The following L3MBTL4 variants were observed in gnomAD, a reference collection of about 807,000 sequenced individuals.
L3MBTL4 encodes L3MBTL histone methyl-lysine binding protein 4.
A neutral mutation model predicts 84.5 loss-of-function variants in L3MBTL4; 70 were observed. The observed-to-expected ratio is 0.83, with a 90% CI of 0.68 to 1.01. L3MBTL4 has a LOEUF of 1.01. Ranked by LOEUF, L3MBTL4 falls within the 50% of genes least tolerant of loss-of-function variation. L3MBTL4 has a pLI of 0.00. For synonymous variants in L3MBTL4, 274 were observed against 259.8 expected (o/e 1.05, Z -0.52); for missense variants, 715 against 754.8 (o/e 0.95, Z 0.62).
chr18:6,241,834 G>T (rs1044436548), intron 7 of L3MBTL4, among the ~76,000 whole-genome samples: 1 of 152,118 alleles, frequency 6.6e-6, no homozygotes, highest in Admixed American at 6.5e-5. Flanking sequence ...TGGGCAAAGG[G>T]ATGAGACCAG....
intron 16 of L3MBTL4, among the ~76,000 whole-genome samples, chr18:5,985,686 G>A (rs1185172092): frequency 6.6e-6 from 1 of 152,138 alleles, no homozygotes; most frequent in African/African-American, 2.4e-5. Context: ...GAGGGCTTAG[G>A]GAGATGACAT....
intron 1 of L3MBTL4, among the ~76,000 whole-genome samples, chr18:6,355,406 A>G (rs538143086): frequency 1.9e-3 from 293 of 152,182 alleles, no homozygotes; most frequent in African/African-American, 6.6e-3. Flanking sequence ...TAATACTATG[A>G]TAAGGCAAGC....
chr18:6,095,103 G>A (rs2143704973), intron 14 of L3MBTL4, among the ~76,000 whole-genome samples: 1 of 152,246 alleles, frequency 6.6e-6, no homozygotes, highest in Middle Eastern at 3.4e-3. Context: ...GAATTAAAAA[G>A]CTACCCCTAT....
At chr18:6,111,391 A>G (rs1283640798) in intron 14 of L3MBTL4, among the ~76,000 whole-genome samples, 1 of 152,134 alleles carries the variant, frequency 6.6e-6, no homozygotes, top group African/African-American at 2.4e-5. Flanking sequence ...GTGACTTAGG[A>G]TTTTTTAAAA....
At chr18:6,192,192 G>A (rs2045139718) in intron 12 of L3MBTL4, among the ~76,000 whole-genome samples, 1 of 152,080 alleles carries the variant, frequency 6.6e-6, no homozygotes, top group Admixed American at 6.6e-5. Flanking sequence ...CTTTCAAAGA[G>A]GTCTCCTTTA....
intron 16 of L3MBTL4, among the ~76,000 whole-genome samples, chr18:5,994,221 C>T (rs2053840719): frequency 6.6e-6 from 1 of 152,214 alleles, no homozygotes; most frequent in Non-Finnish European, 1.5e-5. Context: ...ACCAAAGTGC[C>T]TCTACCGGCC....
chr18:6,315,810 C>T (rs1173843511), intron 1 of L3MBTL4, among the ~76,000 whole-genome samples: 1 of 152,172 alleles, frequency 6.6e-6, no homozygotes, highest in Non-Finnish European at 1.5e-5. Flanking sequence ...TTGTCACTTT[C>T]CTTATGTCAT....
chr18:6,293,270 T>C (rs567936355), intron 4 of L3MBTL4, among the ~76,000 whole-genome samples: 1 of 152,130 alleles, frequency 6.6e-6, no homozygotes, highest in Non-Finnish European at 1.5e-5. Flanking sequence ...CCTGGCCACA[T>C]AAAAAGAGCC....
intron 14 of L3MBTL4, among the ~76,000 whole-genome samples, chr18:6,117,307 T>C (rs2059389656): frequency 6.6e-6 from 1 of 152,176 alleles, no homozygotes; most frequent in African/African-American, 2.4e-5. Flanking sequence ...TGGGTGGCAA[T>C]TATTTTTTCA....
At chr18:6,180,684 G>A (rs2044428368) in intron 12 of L3MBTL4, among the ~76,000 whole-genome samples, 1 of 152,178 alleles carries the variant, frequency 6.6e-6, no homozygotes, top group African/African-American at 2.4e-5. Context: ...TCTTAAAGCA[G>A]TGTTTTTCAA....
intron 1 of L3MBTL4, among the ~76,000 whole-genome samples, chr18:6,343,279 A>C (rs2052701646): frequency 1.3e-5 from 2 of 152,224 alleles, no homozygotes; most frequent in Non-Finnish European, 2.9e-5. Flanking sequence ...ATCCAATAGC[A>C]GCAGAATACA....
intron 12 of L3MBTL4, among the ~76,000 whole-genome samples, chr18:6,181,047 G>A (rs2044447675): frequency 6.6e-6 from 1 of 152,082 alleles, no homozygotes; most frequent in South Asian, 2.1e-4. Flanking sequence ...TCTAGAATAG[G>A]CAAATTCATA....
At chr18:5,985,365 T>C (rs1454025047) in intron 16 of L3MBTL4, among the ~76,000 whole-genome samples, 1 of 152,158 alleles carries the variant, frequency 6.6e-6, no homozygotes, top group Non-Finnish European at 1.5e-5. Context: ...GCTTGTTCTG[T>C]TCCCAGTAAC....
At chr18:6,286,854 G>A (rs76450947) in intron 4 of L3MBTL4, among the ~76,000 whole-genome samples, 7,422 of 152,156 alleles carry the variant, frequency 0.049, 544 homozygotes, top group African/African-American at 0.16. Context: ...CTGTGAAGGG[G>A]TCTTCCCCCT....
At chr18:6,187,034 C>T (rs1599063631) in intron 12 of L3MBTL4, among the ~76,000 whole-genome samples, 1 of 152,096 alleles carries the variant, frequency 6.6e-6, no homozygotes, top group East Asian at 1.9e-4. Context: ...AGGACGATGC[C>T]CAAGGTCTAG....
intron 16 of L3MBTL4, chr18:6,031,367 T>C: frequency 2.0e-6 from 2 of 985,468 alleles, no homozygotes; most frequent in Non-Finnish European, 2.4e-6. Flanking sequence ...TTATTGTAGA[T>C]AGCAAGAGAA....
intron 16 of L3MBTL4, among the ~76,000 whole-genome samples, chr18:5,970,438 G>A (rs577381077): frequency 6.6e-6 from 1 of 152,278 alleles, no homozygotes; most frequent in South Asian, 2.1e-4. Flanking sequence ...TTAATCTTAT[G>A]TTACATCTCA....
chr18:6,282,467 T>A (rs538471378), intron 4 of L3MBTL4, among the ~76,000 whole-genome samples: 1 of 152,126 alleles, frequency 6.6e-6, no homozygotes, highest in East Asian at 1.9e-4. Context: ...AGGAGGGACA[T>A]TTCAGGCAGA....
At chr18:6,348,313 GAGA>G (rs753464157) in intron 1 of L3MBTL4, among the ~76,000 whole-genome samples, 37 of 152,102 alleles carry the variant, frequency 2.4e-4, no homozygotes, top group African/African-American at 5.8e-4. Flanking sequence ...ATACAAATAT[GAGA>G]AGAAGAAGAA....
Sources: allele counts gnomAD v4.1 joint callset (sites outside exome capture counted in the v4.1 genomes callset), GRCh38; gene constraint gnomAD v4.1.1; transcripts MANE v1.5; gene names NCBI Gene and HGNC (gene_info 2026-07-23, HGNC 2026-07-21).